The following IL1RAPL1 variants were observed in gnomAD, a reference collection of about 807,000 sequenced individuals.
IL1RAPL1 encodes interleukin-1 receptor accessory protein-like 1.
Under a neutral mutation model 48.4 loss-of-function variants are expected in IL1RAPL1, and 3 were observed. That is an observed-to-expected ratio of 0.06 (90% CI 0.03 to 0.16). The LOEUF (loss-of-function observed/expected upper bound fraction) is 0.16, where lower values mean the gene tolerates loss of function less well. Among genes scored for constraint, IL1RAPL1 ranks in the 10% least tolerant of loss-of-function variants. The pLI is 1.00. For missense variants in IL1RAPL1, 349 were observed against 530.6 expected (o/e 0.66, Z 3.36); for synonymous variants, 185 against 187.7 (o/e 0.99, Z 0.12).
At chrX:29,646,079 T>C (rs761443477) in intron 5 of IL1RAPL1, among the ~76,000 whole-genome samples, 10 of 111,468 alleles carry the variant, frequency 9.0e-5, no homozygotes, top group African/African-American at 2.9e-4. Context: ...ATAGACAAAA[T>C]AAGGTGCCAT....
chrX:29,941,414 C>T (rs1181471501), intron 8 of IL1RAPL1, among the ~76,000 whole-genome samples: 1 of 111,890 alleles, frequency 8.9e-6, no homozygotes, highest in African/African-American at 3.3e-5. Context: ...TTCATTTTTA[C>T]CACAAGCAAT....
chrX:29,931,787 C>A (rs1234549998), intron 8 of IL1RAPL1, among the ~76,000 whole-genome samples: 1 of 112,001 alleles, frequency 8.9e-6, no homozygotes, highest in Non-Finnish European at 1.9e-5. Context: ...TGACAATATA[C>A]CCTCTTGAGG....
At chrX:28,588,543 C>T (rs1451089753) in intron 1 of IL1RAPL1, among the ~76,000 whole-genome samples, 1 of 111,928 alleles carries the variant, frequency 8.9e-6, no homozygotes, top group African/African-American at 3.2e-5. Flanking sequence ...ATTTCACAGC[C>T]GCAATGGGAC....
intron 1 of IL1RAPL1, among the ~76,000 whole-genome samples, chrX:28,689,135 G>A (rs1935146300): frequency 9.0e-6 from 1 of 111,121 alleles, no homozygotes; most frequent in African/African-American, 3.3e-5. Context: ...TTGCCATAAA[G>A]ACAAGAATAA....
intron 2 of IL1RAPL1, among the ~76,000 whole-genome samples, chrX:29,047,904 CT>C (rs1199445673): frequency 1.5e-4 from 17 of 110,522 alleles, no homozygotes; most frequent in Admixed American, 2.9e-4. Flanking sequence ...ACTTCCCCCC[CT>C]ATAATCTCTT....
intron 2 of IL1RAPL1, among the ~76,000 whole-genome samples, chrX:29,148,564 A>G (rs1004538906): frequency 1.8e-5 from 2 of 112,100 alleles, no homozygotes; most frequent in Non-Finnish European, 3.8e-5. Context: ...AGACTCAAAC[A>G]TGGTTCTTTG....
At chrX:29,401,532 C>T (rs1486022272) in intron 5 of IL1RAPL1, among the ~76,000 whole-genome samples, 1 of 111,385 alleles carries the variant, frequency 9.0e-6, no homozygotes, top group Non-Finnish European at 1.9e-5. Flanking sequence ...AAGCAACAAA[C>T]ATGGGCAGTA....
chrX:29,602,806 T>G (rs1235635065), intron 5 of IL1RAPL1, among the ~76,000 whole-genome samples: 2 of 112,942 alleles, frequency 1.8e-5, no homozygotes, highest in Non-Finnish European at 3.7e-5. Flanking sequence ...ATTTGTTATG[T>G]TACTATTGAT....
Position 29,803,304 on chromosome X carries a change from TAC to T in IL1RAPL1, c.779-114154_779-114153del, listed in dbSNP as rs753611337. ...ACACACATGTATATATGTATACATA[TAC>T]ACACATGTATATATGTATACATGTA... On this transcript the variant is annotated intron_variant, in intron 6 of 10. Transcript: ENST00000378993. Among the ~76,000 whole-genome samples the T allele has an allele frequency of 1.5e-3, 53 of 34,977 alleles. 1 individual carries two copies. Among genetic ancestry groups the T allele is most frequent in the Admixed American group, 0.013 (53 of 3,994 alleles). 30.4% of individuals were successfully genotyped at this position (34,977 alleles called of 115,157 possible).
At chrX:29,506,653 C>T (rs1254368970) in intron 5 of IL1RAPL1, among the ~76,000 whole-genome samples, 1 of 110,493 alleles carries the variant, frequency 9.1e-6, no homozygotes, top group Admixed American at 9.6e-5. Context: ...GTTTCATGCC[C>T]AGGGACCTGT....
intron 2 of IL1RAPL1, among the ~76,000 whole-genome samples, chrX:29,203,458 G>T (rs1343215514): frequency 9.1e-6 from 1 of 109,582 alleles, no homozygotes; most frequent in Non-Finnish European, 1.9e-5. Flanking sequence ...ATTATTTTTG[G>T]CAGGGCCCAG....
chrX:29,461,860 T>C lies in IL1RAPL1; in HGVS notation c.703+62552T>C, dbSNP rs745520853. ...ATCAGTGGGTTCCTGGGACCAGGGGTAGAATCACAGATTAGCTACAAATTG... is the reference window on the plus strand; with the variant it reads ...ATCAGTGGGTTCCTGGGACCAGGGGCAGAATCACAGATTAGCTACAAATTG... On this transcript the variant is annotated intron_variant, in intron 5 of 10. Transcript: ENST00000378993. Among the ~76,000 whole-genome samples the C allele has an allele frequency of 9.0e-5, 10 of 111,575 alleles. No homozygotes were observed. In the South Asian group the frequency reaches 3.8e-3, roughly 42 times the overall value.
At chrX:28,621,324 C>T (rs745641796) in intron 1 of IL1RAPL1, among the ~76,000 whole-genome samples, 37 of 111,830 alleles carry the variant, frequency 3.3e-4, no homozygotes, top group Non-Finnish European at 5.8e-4. Context: ...CTTTTCATGT[C>T]TGTTACTTCC....
chrX:28,896,794 T>C (rs1003815735), intron 2 of IL1RAPL1, among the ~76,000 whole-genome samples: 4 of 109,320 alleles, frequency 3.7e-5, no homozygotes, highest in Non-Finnish European at 7.6e-5. Flanking sequence ...AAGGAAGATT[T>C]GGGACGAGTT....
In IL1RAPL1 at chrX:29,436,561, T is replaced by G. The variant is rs1361772116; in HGVS notation, c.703+37253T>G. The stretch of plus-strand genomic sequence containing the variant: ...TCCCATACTCCCCCGCCCTTTTTTT[T>G]TGTTCCCACTTGTGTAGGAGACATA... On this transcript the variant is annotated intron_variant, in intron 5 of 10. Transcript: ENST00000378993. 9.1e-5 allele frequency among the ~76,000 whole-genome samples: 10 copies of G among 110,073 alleles called. 1 individual carries two copies. The highest frequency in any genetic ancestry group is 3.9e-4 in the Admixed American group (4 of 10,314).
At chrX:29,713,881 G>GT (rs752529904) in intron 6 of IL1RAPL1, among the ~76,000 whole-genome samples, 2 of 111,541 alleles carry the variant, frequency 1.8e-5, no homozygotes, top group East Asian at 2.8e-4. Flanking sequence ...TATTGATATA[G>GT]TTTTTTTTAA....
chrX:28,738,372 C>T (rs1423463339), intron 1 of IL1RAPL1, among the ~76,000 whole-genome samples: 1 of 111,393 alleles, frequency 9.0e-6, no homozygotes, highest in Non-Finnish European at 1.9e-5. Context: ...TAGCAGAGAA[C>T]AAAAATAAGT....
chrX:29,668,523 C>A lies in IL1RAPL1; in HGVS notation c.778+19C>A, dbSNP rs774877884. On this transcript the variant is annotated intron_variant, in intron 6 of 10. Transcript: ENST00000378993. ...CAGCTGGGTGAGTAATTCCTTAATT[C>A]TAGTTAATATGCTGCTCTCGTTACA... 9.3e-6 allele frequency: 10 copies of A among 1,070,927 alleles called. No homozygotes were observed. Among genetic ancestry groups the A allele is most frequent in the African/African-American group, 1.8e-5 (1 of 55,057 alleles). The allele number at this position is 1,070,927 out of a possible 1,213,427, so 88.3% of individuals were successfully genotyped here.
chrX:29,936,766 G>A (rs1017605324), intron 8 of IL1RAPL1, among the ~76,000 whole-genome samples: 8 of 111,506 alleles, frequency 7.2e-5, no homozygotes, highest in African/African-American at 2.6e-4. Flanking sequence ...GAAACCAAAT[G>A]CATTTATTAT....
Sources: allele counts gnomAD v4.1 joint callset (sites outside exome capture counted in the v4.1 genomes callset), GRCh38; gene constraint gnomAD v4.1.1; transcripts MANE v1.5; gene names NCBI Gene and HGNC (gene_info 2026-07-23, HGNC 2026-07-21).